Variants in IL6ST observed in about 807,000 individuals in gnomAD.
The protein encoded by IL6ST is interleukin-6 receptor subunit beta.
IL6ST carries 24 observed loss-of-function variants against 91.3 expected under a neutral mutation model. The ratio of observed to expected loss-of-function variants is 0.26; its 90% CI spans 0.19 to 0.37. IL6ST has a LOEUF of 0.37. Ranked by LOEUF, IL6ST falls within the 10% of genes least tolerant of loss-of-function variation. The pLI is 1.00. For missense variants in IL6ST, 914 were observed against 1,078.5 expected, an observed-to-expected ratio of 0.85 and a Z score of 2.14; for synonymous variants, 351 against 373.6, an observed-to-expected ratio of 0.94 and a Z score of 0.70.
At chr5:55,964,071 CTAAATA>C (rs1752493475) in intron 6 of IL6ST, 69 bp downstream of exon 6, 2 of 701,326 alleles carry the variant, frequency 2.9e-6, no homozygotes, top group South Asian at 8.6e-5. Context: ...CTTAAAAAAT[CTAAATA>C]TAAAAACTAC....
intron 14 of IL6ST, among the ~76,000 whole-genome samples, chr5:55,950,440 G>C (rs528153056): frequency 9.4e-5 from 14 of 149,206 alleles, no homozygotes; most frequent in Non-Finnish European, 1.6e-4. Context: ...GGAGGCTGAG[G>C]TAGGAGAATC....
intron 1 of IL6ST, among the ~76,000 whole-genome samples, chr5:55,991,211 T>C (rs1754311022): frequency 6.6e-6 from 1 of 152,206 alleles, no homozygotes; most frequent in African/African-American, 2.4e-5. Flanking sequence ...CGTGTGCATG[T>C]ATGTCTTTAT....
At chr5:55,979,062 C>T (rs982792888) in intron 2 of IL6ST, among the ~76,000 whole-genome samples, 2 of 152,050 alleles carry the variant, frequency 1.3e-5, no homozygotes, top group Non-Finnish European at 2.9e-5. Flanking sequence ...CAGATACATG[C>T]ATCATGGATG....
chr5:55,984,308 T>G lies in IL6ST; in HGVS notation c.-103-1497A>C, dbSNP rs565387226. Among the ~76,000 whole-genome samples the G allele has an allele frequency of 2.6e-5, 4 of 152,364 alleles. No homozygotes were observed. In the East Asian group the frequency reaches 5.8e-4, roughly 22 times the overall value. On this transcript the variant is annotated intron_variant, in intron 1 of 16. Transcript: ENST00000381298. ...TTAAATTAATTTTCTTTTTGTTTGTTATGGGCTGAACTGTTCCCCCCAAAA... is the reference window on the plus strand; with the variant it reads ...TTAAATTAATTTTCTTTTTGTTTGTGATGGGCTGAACTGTTCCCCCCAAAA...
intron 9 of IL6ST, 74 bp downstream of exon 9, chr5:55,957,135 C>T: frequency 1.4e-6 from 1 of 703,152 alleles, no homozygotes; most frequent in Non-Finnish European, 2.3e-6. Context: ...TCCTGCCTGG[C>T]AATGGAGCGA....
At position 55,935,165 on chromosome 5, in the gene IL6ST, G is replaced by C; in HGVS notation, c.*5917C>G. 1 of 178,912 alleles carries C rather than the reference G, an allele frequency of 5.6e-6. No homozygotes were observed. Among genetic ancestry groups the C allele is most frequent in the East Asian group, 9.3e-5 (1 of 10,800 alleles). The allele number at this position is 178,912 out of a possible 1,614,324, so 11.1% of individuals were successfully genotyped here. A position where few individuals can be genotyped will look rare whatever the true frequency, so the allele number is the denominator to read the frequency against. Reference sequence around the variant, plus strand: ...CCATATAGCTCACCATGTTATCCCAGAAAGACTACAATTTCATACAGAATG... The same window carrying C: ...CCATATAGCTCACCATGTTATCCCACAAAGACTACAATTTCATACAGAATG... On this transcript the variant is annotated 3_prime_UTR_variant, in exon 17 of 17. Transcript: ENST00000381298.
chr5:55,942,779 TAAAACCA>T (rs769154250), intron 15 of IL6ST, 28 bp from the exon 16 acceptor site: 1 of 1,216,966 alleles, frequency 8.2e-7, no homozygotes, highest in South Asian at 1.2e-5. Context: ...ATGGCCTATG[TAAAACCA>T]CACATAATAA....
intron 11 of IL6ST, 94 bp from the exon 12 acceptor site, chr5:55,952,445 C>T (rs948240824): frequency 1.5e-6 from 1 of 669,826 alleles, no homozygotes; most frequent in East Asian, 2.7e-5. Flanking sequence ...TTCATGACCA[C>T]TTAATTTTCT....
At chr5:55,955,788 G>A (rs958871389) in intron 10 of IL6ST, among the ~76,000 whole-genome samples, 4 of 152,150 alleles carry the variant, frequency 2.6e-5, no homozygotes, top group African/African-American at 9.7e-5. Flanking sequence ...TGGGAGGCCA[G>A]GGGAGATCGC....
chr5:55,939,560 C>G lies in IL6ST; in HGVS notation c.*1522G>C, dbSNP rs1314470044. The G allele has an allele frequency of 4.9e-6, 1 of 204,640 alleles. No individual in the cohort carries two copies. Among genetic ancestry groups the G allele is most frequent in the Non-Finnish European group, 1.0e-5 (1 of 99,908 alleles). 12.7% of individuals were successfully genotyped at this position (204,640 alleles called of 1,614,324 possible). A position where few individuals can be genotyped will look rare whatever the true frequency, so the allele number is the denominator to read the frequency against. ...ACCTCTAGAAACTATTCTAAGCATG[C>G]CTGGTTTCTGTAACTTAAATATGGC... On this transcript the variant is annotated 3_prime_UTR_variant, in exon 17 of 17. Coordinates refer to ENST00000381298, the MANE Select transcript of IL6ST (RefSeq NM_002184.4).
intron 5 of IL6ST, among the ~76,000 whole-genome samples, chr5:55,966,522 A>G (rs916117052): frequency 4.6e-5 from 7 of 152,230 alleles, no homozygotes; most frequent in Non-Finnish European, 1.0e-4. Flanking sequence ...ATTTAAAAAC[A>G]TAATACTGAA....
intron 3 of IL6ST, among the ~76,000 whole-genome samples, chr5:55,972,153 A>T (rs1753002742): frequency 6.6e-6 from 1 of 152,192 alleles, no homozygotes; most frequent in South Asian, 2.1e-4. Flanking sequence ...CTAGAGTTCT[A>T]AAAAGATATA....
In IL6ST at chr5:55,982,750, G is replaced by T; in HGVS notation, c.-42C>A. Reference sequence around the variant, plus strand: ...CAAATCACAAAATTAGTAAGTGAAGGAGTAGGGATTTGAAGCTAAGTCTTC... The same window carrying T: ...CAAATCACAAAATTAGTAAGTGAAGTAGTAGGGATTTGAAGCTAAGTCTTC... On this transcript the variant is annotated 5_prime_UTR_variant, in exon 2 of 17. Transcript: ENST00000381298. The T allele has an allele frequency of 2.5e-6, 1 of 398,368 alleles. No individual in the cohort carries two copies. Among genetic ancestry groups the T allele is most frequent in the East Asian group, 3.6e-5 (1 of 27,994 alleles). The allele number at this position is 398,368 out of a possible 1,614,324, so 24.7% of individuals were successfully genotyped here.
At position 55,989,421 on chromosome 5, in the gene IL6ST, C is replaced by T. The variant is rs1041524061; in HGVS notation, c.-104+5363G>A. 1.3e-4 allele frequency among the ~76,000 whole-genome samples: 20 copies of T among 152,144 alleles called. 2 individuals are homozygous for T. Among genetic ancestry groups the T allele is most frequent in the Admixed American group, 1.2e-3 (19 of 15,282 alleles). ...AAAGACACACACTCATGCACGTGCACATGCATGTATAAGCATACACTCTCT... is the reference window on the plus strand; with the variant it reads ...AAAGACACACACTCATGCACGTGCATATGCATGTATAAGCATACACTCTCT... On this transcript the variant is annotated intron_variant, in intron 1 of 16. Transcript: ENST00000381298.
chr5:55,960,163 T>TG (rs551328227), intron 8 of IL6ST, among the ~76,000 whole-genome samples: 32 of 152,234 alleles, frequency 2.1e-4, no homozygotes, highest in African/African-American at 7.7e-4. Context: ...GGATTACAGG[T>TG]GTGAGCCACC....
chr5:55,952,956 G>A (rs1751731887), intron 11 of IL6ST, among the ~76,000 whole-genome samples: 1 of 152,082 alleles, frequency 6.6e-6, no homozygotes, highest in Admixed American at 6.6e-5. Flanking sequence ...AGATGCTTGG[G>A]AGGCTGTGGC....
intron 5 of IL6ST, among the ~76,000 whole-genome samples, chr5:55,967,577 G>A (rs755656314): frequency 9.2e-5 from 14 of 152,024 alleles, no homozygotes; most frequent in Non-Finnish European, 1.9e-4. Context: ...ATATCTGAGT[G>A]TAACAGTGGT....
Position 55,963,366 on chromosome 5 carries a change from A to G in IL6ST, c.799T>C (p.Ser267Pro). 6.3e-7 allele frequency: 1 copy of G among 1,580,198 alleles called. No individual in the cohort carries two copies. The highest frequency in any genetic ancestry group is 8.6e-7 in the Non-Finnish European group (1 of 1,165,084). ...YNIQYRTKDASTWSQIPPEDT... is the reference protein window; with the variant it reads ...YNIQYRTKDAPTWSQIPPEDT... ...TTTCAATTTACCTGGCTCCAAGTTG[A>G]GGCATCTTTGGTCCTATATTGAATG... Residue 267 changes from serine (S) to proline (P), a missense_variant, in exon 7 of 17, where the codon TCA (serine) becomes CCA (proline). Transcript: ENST00000381298.
intron 1 of IL6ST, among the ~76,000 whole-genome samples, chr5:55,987,635 T>A (rs1447726304): frequency 6.6e-6 from 1 of 152,238 alleles, no homozygotes; most frequent in East Asian, 1.9e-4. Flanking sequence ...GGCAAGTTTT[T>A]AAATAGCCTT....
Sources: allele counts gnomAD v4.1 joint callset (sites outside exome capture counted in the v4.1 genomes callset), GRCh38; gene constraint gnomAD v4.1.1; transcripts MANE v1.5; gene names NCBI Gene and HGNC (gene_info 2026-07-23, HGNC 2026-07-21).